Variants in CREB1 observed in about 807,000 individuals in gnomAD.
The protein encoded by CREB1 is cyclic AMP-responsive element-binding protein 1.
In CREB1, 2 loss-of-function variants were observed where a neutral mutation model predicts 42.0. The ratio of observed to expected loss-of-function variants is 0.05; its 90% CI spans 0.02 to 0.15. The LOEUF (loss-of-function observed/expected upper bound fraction) is 0.15. Among genes scored for constraint, CREB1 ranks in the 10% least tolerant of loss-of-function variants. CREB1 has a pLI of 1.00. For missense variants in CREB1, 199 were observed against 388.9 expected, an observed-to-expected ratio of 0.51 and a Z score of 4.11; for synonymous variants, 123 against 139.9, an observed-to-expected ratio of 0.88 and a Z score of 0.85.
intron 7 of CREB1, 80 bp downstream of exon 7, chr2:207,577,735 C>G: frequency 6.6e-7 from 1 of 1,520,988 alleles, no homozygotes; most frequent in East Asian, 2.3e-5. Flanking sequence ...TTTACATCTA[C>G]TGGTAATAGG....
rs1472957615 is a variant in CREB1, at chr2:207,577,509, C to T, written c.693C>T (p.Ala231=). Reference sequence around the variant, plus strand: ...CATGCTCACTGTTTTTTTCAGCTGCCTCTGGAGACGTACAAACATACCAGA... The same window carrying T: ...CATGCTCACTGTTTTTTTCAGCTGCTTCTGGAGACGTACAAACATACCAGA... ...VPSNQVVVQA[A]SGDVQTYQIR... is the part of the protein sequence containing the mutation. The change falls in exon 7 of 8, where the codon GCC becomes GCT. Residue 231 remains alanine (A), a synonymous_variant. Coordinates refer to ENST00000353267, the MANE Select transcript of CREB1 (RefSeq NM_004379.5). The T allele has an allele frequency of 6.2e-7, 1 of 1,613,334 alleles. No individual in the cohort carries two copies. The highest frequency in any genetic ancestry group is 8.5e-7 in the Non-Finnish European group (1 of 1,179,684).
rs2087053255 is a variant in CREB1 at position 207,601,538 on chromosome 2, T to G, written c.*4480T>G. On this transcript the variant is annotated 3_prime_UTR_variant, in exon 8 of 8. Transcript: ENST00000353267. ...GGATGAAGATTGAAGGGAAAATAAC[T>G]CAAGTGCATAATATTTATTTTCAAT... 2 of 198,128 alleles carry G rather than the reference T, an allele frequency of 1.0e-5. No individual in the cohort carries two copies. Among genetic ancestry groups the G allele is most frequent in the South Asian group, 3.9e-4 (2 of 5,190 alleles). 12.3% of individuals were successfully genotyped at this position (198,128 alleles called of 1,614,324 possible). A position where few individuals can be genotyped will look rare whatever the true frequency, so the allele number is the denominator to read the frequency against.
At chr2:207,589,266 T>C (rs1047198700) in intron 7 of CREB1, among the ~76,000 whole-genome samples, 1 of 152,202 alleles carries the variant, frequency 6.6e-6, no homozygotes, top group African/African-American at 2.4e-5. Context: ...TGTGTTTCTT[T>C]GCCATTTCTA....
At chr2:207,589,557 T>C (rs916700566) in intron 7 of CREB1, among the ~76,000 whole-genome samples, 1 of 152,224 alleles carries the variant, frequency 6.6e-6, no homozygotes, top group African/African-American at 2.4e-5. Context: ...ATGGACACCT[T>C]TGGGGGACCT....
chr2:207,580,985 G>A (rs2082891327), intron 7 of CREB1: 1 of 218,158 alleles, frequency 4.6e-6, no homozygotes, highest in Non-Finnish European at 9.2e-6. Flanking sequence ...CAGTGGAGTG[G>A]GAATGAACTC....
At chr2:207,570,393 C>A in intron 5 of CREB1, 72 bp downstream of exon 5, 1 of 1,426,198 alleles carries the variant, frequency 7.0e-7, no homozygotes, top group Non-Finnish European at 9.5e-7. Context: ...TAGTTGCATT[C>A]TCTTCAGAGA....
At position 207,570,225 on chromosome 2, in the gene CREB1, A is replaced by G; in HGVS notation, c.409A>G (p.Ile137Val). The G allele has an allele frequency of 1.9e-6, 3 of 1,613,636 alleles. No individual in the cohort carries two copies. Among genetic ancestry groups the G allele is most frequent in the Non-Finnish European group, 2.5e-6 (3 of 1,179,716 alleles). The change falls in exon 5 of 8, where the codon ATT becomes GTT. Residue 137 changes from isoleucine (I) to valine (V), a missense_variant. Physicochemically the swap from Ile to Val is conservative, Grantham distance 29. Transcript: ENST00000353267. ...LSSDAPGVPR[I>V]EEEKSEEETS... Reference sequence around the variant, plus strand: ...TTCTGATGCACCAGGAGTGCCAAGGATTGAAGAAGAGAAGTCTGAAGAGGA... The same window carrying G: ...TTCTGATGCACCAGGAGTGCCAAGGGTTGAAGAAGAGAAGTCTGAAGAGGA...
intron 1 of CREB1, among the ~76,000 whole-genome samples, chr2:207,543,590 G>T (rs2081183126): frequency 6.6e-6 from 1 of 151,782 alleles, no homozygotes; most frequent in Non-Finnish European, 1.5e-5. Context: ...TTTATTAATG[G>T]TTATTAATTT....
At chr2:207,549,426 G>A (rs1050923833) in intron 1 of CREB1, among the ~76,000 whole-genome samples, 4 of 150,880 alleles carry the variant, frequency 2.7e-5, no homozygotes, top group Admixed American at 6.6e-5. Context: ...ACCCTCCCCC[G>A]CTTAAAAAAA....
At chr2:207,554,749 T>G (rs1213511075) in intron 1 of CREB1, among the ~76,000 whole-genome samples, 1 of 152,214 alleles carries the variant, frequency 6.6e-6, no homozygotes, top group Non-Finnish European at 1.5e-5. Context: ...AATTAAAATA[T>G]ATAAATAAAA....
chr2:207,571,958 G>A lies in CREB1; in HGVS notation c.505+1637G>A, dbSNP rs186220062. Among the ~76,000 whole-genome samples the A allele has an allele frequency of 5.9e-3, 892 of 152,284 alleles. 40 individuals carry two copies. Among genetic ancestry groups the A allele is most frequent in the Admixed American group, 0.052 (803 of 15,296 alleles). On this transcript the variant is annotated intron_variant, in intron 5 of 7. Transcript: ENST00000353267. ...GTTTTAAGAGATTGAGCCAGGCGCC[G>A]TGGCTCTCGCCTGTAATCCCAGCAC...
intron 1 of CREB1, among the ~76,000 whole-genome samples, chr2:207,541,997 T>C (rs1009203791): frequency 8.5e-5 from 13 of 152,218 alleles, no homozygotes; most frequent in Non-Finnish European, 2.9e-5. Context: ...GTTTTCAAGG[T>C]TTATTCATGT....
intron 3 of CREB1, chr2:207,560,977 T>C (rs1574837091): frequency 1.4e-6 from 1 of 693,184 alleles, no homozygotes; most frequent in East Asian, 2.7e-5. Context: ...TGTAGACCTT[T>C]GAAGGTGACT....
intron 2 of CREB1, chr2:207,559,315 A>T: frequency 1.0e-6 from 1 of 979,470 alleles, no homozygotes. Flanking sequence ...TTCTTCCCTG[A>T]TAGCCTCCCC....
At position 207,583,390 on chromosome 2, in the gene CREB1, T is replaced by G. The variant is rs116258586; in HGVS notation, c.839+5735T>G. Among the ~76,000 whole-genome samples the G allele has an allele frequency of 4.7e-3, 720 of 152,334 alleles. 10 individuals are homozygous for G. The highest frequency in any genetic ancestry group is 0.017 in the African/African-American group (693 of 41,578). ...GTAACTTCTTTCTCCGACAGAAACT[T>G]GGCTTATATGTTTGTTTAAATCTAC... On this transcript the variant is annotated intron_variant, in intron 7 of 7. Coordinates refer to ENST00000353267, the MANE Select transcript of CREB1 (RefSeq NM_004379.5).
At chr2:207,537,038 A>G (rs543502796) in intron 1 of CREB1, among the ~76,000 whole-genome samples, 2 of 119,962 alleles carry the variant, frequency 1.7e-5, no homozygotes, top group South Asian at 3.6e-4. Flanking sequence ...AATGATTAAA[A>G]TGTTTACAAA....
intron 1 of CREB1, among the ~76,000 whole-genome samples, chr2:207,544,939 G>A (rs933862343): frequency 2.0e-5 from 3 of 152,202 alleles, no homozygotes; most frequent in Admixed American, 6.5e-5. Context: ...TGGTGTGTAT[G>A]TACCACATTT....
intron 5 of CREB1, among the ~76,000 whole-genome samples, chr2:207,571,996 A>G (rs920334791): frequency 5.3e-5 from 8 of 152,142 alleles, no homozygotes; most frequent in African/African-American, 1.4e-4. Context: ...TGGGAGGCCA[A>G]GGTGGTGGAT....
At chr2:207,583,047 AT>A (rs1421713024) in intron 7 of CREB1, among the ~76,000 whole-genome samples, 1 of 152,040 alleles carries the variant, frequency 6.6e-6, no homozygotes, top group Admixed American at 6.6e-5. Flanking sequence ...CAATATAACA[AT>A]TTTTTAAATA....
Sources: allele counts gnomAD v4.1 joint callset (sites outside exome capture counted in the v4.1 genomes callset), GRCh38; gene constraint gnomAD v4.1.1; transcripts MANE v1.5; gene names NCBI Gene and HGNC (gene_info 2026-07-23, HGNC 2026-07-21).